PDZD2: variants seen among roughly 807,000 people sequenced by gnomAD.
PDZD2 encodes the protein PDZ domain-containing protein 2.
In PDZD2, 90 loss-of-function variants were observed where a neutral mutation model predicts 220.7. That is an observed-to-expected ratio of 0.41 (90% CI 0.34 to 0.49). The LOEUF is 0.49. Among genes scored for constraint, PDZD2 ranks in the 20% least tolerant of loss-of-function variants. The pLI is 0.28. For synonymous variants in PDZD2, 1,375 were observed against 1,450.5 expected (o/e 0.95, Z 1.18); for missense variants, 3,174 against 3,608.5 (o/e 0.88, Z 3.08).
intron 3 of PDZD2, among the ~76,000 whole-genome samples, chr5:31,986,753 AACTT>A (rs1156757080): frequency 3.3e-5 from 5 of 152,112 alleles, no homozygotes. Flanking sequence ...TAGCTGCAAA[AACTT>A]AATAAATGAC....
intron 1 of PDZD2, among the ~76,000 whole-genome samples, chr5:31,776,456 T>C (rs1017371906): frequency 7.5e-6 from 1 of 133,930 alleles, no homozygotes; most frequent in African/African-American, 3.5e-5. Context: ...TTTATTTTAT[T>C]TATTTATTTA....
At chr5:31,868,279 TACTAAA>T (rs1408833762) in intron 2 of PDZD2, among the ~76,000 whole-genome samples, 1 of 152,156 alleles carries the variant, frequency 6.6e-6, no homozygotes, top group East Asian at 1.9e-4. Context: ...ACCCTGTCTC[TACTAAA>T]ACTACAAAAA....
chr5:31,670,571 C>T (rs1746176713), intron 1 of PDZD2, among the ~76,000 whole-genome samples: 2 of 152,126 alleles, frequency 1.3e-5, no homozygotes, highest in Admixed American at 1.3e-4. Flanking sequence ...CACCCGCCAC[C>T]ACGCCCGGCT....
Position 31,639,269 on chromosome 5 carries a change from A to C in PDZD2, c.-529A>C, listed in dbSNP as rs982919734. On this transcript the variant is annotated 5_prime_UTR_variant, in exon 1 of 25. Transcript: ENST00000438447. The surrounding 1 kb of genome is among the most constrained non-coding windows in gnomAD (Gnocchi z 4.1). Reference sequence around the variant, plus strand: ...CGCAGGCCGAACCCAAGGCACCGGGATTGCGCCTCCCGCGGCTGCCGGCGA... The same window carrying C: ...CGCAGGCCGAACCCAAGGCACCGGGCTTGCGCCTCCCGCGGCTGCCGGCGA... The C allele has an allele frequency of 1.3e-5, 2 of 150,546 alleles. No homozygotes were observed. Among genetic ancestry groups the C allele is most frequent in the African/African-American group, 4.9e-5 (2 of 41,222 alleles). The allele number at this position is 150,546 out of a possible 1,614,324, so 9.3% of individuals were successfully genotyped here.
intron 2 of PDZD2, among the ~76,000 whole-genome samples, chr5:31,854,474 C>T (rs1404996554): frequency 6.6e-6 from 1 of 152,176 alleles, no homozygotes; most frequent in Non-Finnish European, 1.5e-5. Context: ...TGGAAAGTTC[C>T]CTGACATCCT....
At chr5:31,802,317 G>C (rs1270292372) in intron 2 of PDZD2, among the ~76,000 whole-genome samples, 2 of 152,172 alleles carry the variant, frequency 1.3e-5, no homozygotes, top group Non-Finnish European at 2.9e-5. Context: ...TATTGTTCCA[G>C]AAGCCCATAG....
At chr5:31,864,855 T>G (rs1185958397) in intron 2 of PDZD2, among the ~76,000 whole-genome samples, 2 of 141,798 alleles carry the variant, frequency 1.4e-5, no homozygotes, top group African/African-American at 5.3e-5. Flanking sequence ...TTTTTTTTTT[T>G]TTTTTTTTTT....
intron 6 of PDZD2, among the ~76,000 whole-genome samples, chr5:32,019,912 G>T (rs76914927): frequency 0.011 from 1,677 of 152,014 alleles, 30 homozygotes; most frequent in African/African-American, 0.039. Flanking sequence ...TTCCAAGAAG[G>T]CTTCTCACCC....
intron 2 of PDZD2, among the ~76,000 whole-genome samples, chr5:31,852,977 A>G (rs1216259245): frequency 6.6e-6 from 1 of 152,252 alleles, no homozygotes; most frequent in African/African-American, 2.4e-5. Context: ...AGAAGCTAAA[A>G]CATTGGGAAA....
intron 2 of PDZD2, among the ~76,000 whole-genome samples, chr5:31,839,477 G>T (rs978644184): frequency 7.9e-5 from 12 of 152,190 alleles, no homozygotes; most frequent in African/African-American, 2.7e-4. Flanking sequence ...CACATTTAAG[G>T]TTTAGAACTG....
rs1491197531 is a variant in PDZD2, at chr5:31,942,382, CAT to C, written c.477-40772_477-40771del. On this transcript the variant is annotated intron_variant, in intron 2 of 24. Coordinates refer to ENST00000438447, the MANE Select transcript of PDZD2 (RefSeq NM_178140.4). The stretch of plus-strand genomic sequence containing the variant: ...GTGCTATCCTTTGTGTGCTTATGGG[CAT>C]GTGTGTGTGTGTGTGTGTGTCAGGG... 8.9e-5 allele frequency among the ~76,000 whole-genome samples: 7 copies of C among 78,538 alleles called. No individual in the cohort carries two copies. The East Asian group carries it at 1.8e-3, about 20-fold the overall frequency. The allele number at this position is 78,538 out of a possible 152,430, so 51.5% of individuals were successfully genotyped here.
intron 7 of PDZD2, among the ~76,000 whole-genome samples, chr5:32,042,803 G>C (rs1223583998): frequency 6.6e-6 from 1 of 152,154 alleles, no homozygotes; most frequent in Non-Finnish European, 1.5e-5. Context: ...TTGTGTTTGG[G>C]GCGAGGGAGT....
chr5:31,679,878 T>C (rs1746585556), intron 1 of PDZD2, among the ~76,000 whole-genome samples: 1 of 152,210 alleles, frequency 6.6e-6, no homozygotes, highest in Non-Finnish European at 1.5e-5. Context: ...ATTGAGACTA[T>C]GTAAACCTAG....
At chr5:32,058,975 T>G (rs1739408664) in intron 12 of PDZD2, among the ~76,000 whole-genome samples, 1 of 152,160 alleles carries the variant, frequency 6.6e-6, no homozygotes, top group Non-Finnish European at 1.5e-5. Flanking sequence ...AAAACAGATG[T>G]GAGGAGGTTA....
At chr5:31,790,608 G>A (rs1343316198) in intron 1 of PDZD2, among the ~76,000 whole-genome samples, 2 of 151,332 alleles carry the variant, frequency 1.3e-5, no homozygotes, top group African/African-American at 4.8e-5. Context: ...TTTTTTTAAG[G>A]TATCTAGTCT....
intron 9 of PDZD2, among the ~76,000 whole-genome samples, 195 bp from the exon 10 acceptor site, chr5:32,053,574 G>C (rs915714420): frequency 1.1e-4 from 17 of 152,228 alleles, no homozygotes; most frequent in Admixed American, 1.3e-4. Context: ...TAGATCGGAG[G>C]AGGGGAATAA....
chr5:31,784,684 G>GGGA (rs879488844), intron 1 of PDZD2, among the ~76,000 whole-genome samples: 15,146 of 152,222 alleles, frequency 0.099, 830 homozygotes, highest in South Asian at 0.18. Context: ...CAAGGCAGGT[G>GGGA]GATCACGAGG....
chr5:31,996,914 T>C (rs984395252), intron 4 of PDZD2, among the ~76,000 whole-genome samples: 26 of 152,118 alleles, frequency 1.7e-4, no homozygotes, highest in Non-Finnish European at 3.5e-4. Flanking sequence ...TATTTTTTAA[T>C]CTGAACAATG....
At chr5:31,775,664 C>CGTGTGT (rs370394146) in intron 1 of PDZD2, among the ~76,000 whole-genome samples, 13,551 of 135,324 alleles carry the variant, frequency 0.1, 831 homozygotes, top group African/African-American at 0.14. Flanking sequence ...ACTCACAGAG[C>CGTGTGT]GTGTGTGTGT....
Sources: allele counts gnomAD v4.1 joint callset (sites outside exome capture counted in the v4.1 genomes callset), GRCh38; gene constraint gnomAD v4.1.1; non-coding constraint Gnocchi (gnomAD v3.1); transcripts MANE v1.5; gene names NCBI Gene and HGNC (gene_info 2026-07-23, HGNC 2026-07-21).